Variants in NRXN3 observed in about 807,000 individuals in gnomAD.
The protein encoded by NRXN3 is neurexin 3.
NRXN3 carries 32 observed loss-of-function variants against 137.6 expected under a neutral mutation model. The ratio of observed to expected loss-of-function variants is 0.23; its 90% CI spans 0.18 to 0.31. The LOEUF (loss-of-function observed/expected upper bound fraction) is 0.31, where lower values mean the gene tolerates loss of function less well. Among genes scored for constraint, NRXN3 ranks in the 10% least tolerant of loss-of-function variants. NRXN3 has a pLI of 1.00. For missense variants in NRXN3, 1,574 were observed against 2,062.5 expected, an observed-to-expected ratio of 0.76 and a Z score of 4.59; for synonymous variants, 798 against 784.5, an observed-to-expected ratio of 1.02 and a Z score of -0.29.
intron 4 of NRXN3, among the ~76,000 whole-genome samples, chr14:78,551,496 T>C (rs1285643433): frequency 6.6e-6 from 1 of 152,100 alleles, no homozygotes; most frequent in Non-Finnish European, 1.5e-5. Context: ...GCTCTTCCTC[T>C]TCCCTTCCAT....
intron 15 of NRXN3, among the ~76,000 whole-genome samples, chr14:79,241,319 A>T (rs114611530): frequency 2.0e-5 from 3 of 152,190 alleles, no homozygotes; most frequent in African/African-American, 7.2e-5. Flanking sequence ...GTCTGTTCTC[A>T]TGCTGCTAAA....
At chr14:78,729,672 A>G (rs963995446) in intron 8 of NRXN3, among the ~76,000 whole-genome samples, 9 of 152,318 alleles carry the variant, frequency 5.9e-5, no homozygotes, top group Admixed American at 5.9e-4. Flanking sequence ...TCATACCTGC[A>G]TATTTACCCA....
chr14:79,088,551 A>T (rs1271096340), intron 15 of NRXN3, among the ~76,000 whole-genome samples: 1 of 139,964 alleles, frequency 7.1e-6, no homozygotes. Flanking sequence ...AAGAAAAACA[A>T]ATTTCTTGGA....
rs2099414992 is a variant in NRXN3 at position 79,862,372 on chromosome 14, T to C, written c.*408T>C. 1 of 156,916 alleles carries C rather than the reference T, an allele frequency of 6.4e-6. No homozygotes were observed. Among genetic ancestry groups the C allele is most frequent in the Non-Finnish European group, 1.4e-5 (1 of 71,158 alleles). 9.7% of individuals were successfully genotyped at this position (156,916 alleles called of 1,614,324 possible). ...ATAACTCCAAGTGAGTCTGTAATGTTTGTGAAGCTTGACTGTAACCATGTT... is the reference window on the plus strand; with the variant it reads ...ATAACTCCAAGTGAGTCTGTAATGTCTGTGAAGCTTGACTGTAACCATGTT... On this transcript the variant is annotated 3_prime_UTR_variant, in exon 21 of 21. Coordinates refer to ENST00000335750, the MANE Select transcript of NRXN3 (RefSeq NM_001330195.2).
chr14:79,379,132 T>C (rs2094393025), intron 15 of NRXN3, among the ~76,000 whole-genome samples: 1 of 152,202 alleles, frequency 6.6e-6, no homozygotes, highest in Admixed American at 6.5e-5. Context: ...TCTGAAAAGC[T>C]AGAATTTTTT....
At chr14:79,269,544 G>C (rs1377717063) in intron 15 of NRXN3, among the ~76,000 whole-genome samples, 1 of 152,168 alleles carries the variant, frequency 6.6e-6, no homozygotes, top group East Asian at 1.9e-4. Flanking sequence ...CGACTGAGGA[G>C]AGATGGCCTT....
chr14:78,747,470 G>A (rs1371959926), intron 8 of NRXN3, among the ~76,000 whole-genome samples: 1 of 152,212 alleles, frequency 6.6e-6, no homozygotes, highest in Non-Finnish European at 1.5e-5. Context: ...GGAGTCAACA[G>A]ATGATTCTGC....
intron 15 of NRXN3, among the ~76,000 whole-genome samples, chr14:79,350,145 T>A (rs1375672434): frequency 6.6e-6 from 1 of 152,234 alleles, no homozygotes; most frequent in Non-Finnish European, 1.5e-5. Context: ...AACGTCAGAA[T>A]GTGGAATCCA....
At chr14:79,262,466 G>A (rs2077766457) in intron 15 of NRXN3, among the ~76,000 whole-genome samples, 1 of 149,602 alleles carries the variant, frequency 6.7e-6, no homozygotes, top group Non-Finnish European at 1.5e-5. Context: ...GAAGGAGGAA[G>A]GAGAAAGGAG....
At chr14:78,827,203 C>A (rs1470845003) in intron 10 of NRXN3, among the ~76,000 whole-genome samples, 1 of 149,290 alleles carries the variant, frequency 6.7e-6, no homozygotes. Context: ...AACTAGAAGA[C>A]AGAATTTGGA....
intron 4 of NRXN3, among the ~76,000 whole-genome samples, chr14:78,574,831 A>G (rs2096921562): frequency 6.6e-6 from 1 of 152,212 alleles, no homozygotes; most frequent in Non-Finnish European, 1.5e-5. Flanking sequence ...GTGAGGATTA[A>G]GCATAAAATA....
intron 10 of NRXN3, among the ~76,000 whole-genome samples, chr14:78,954,307 A>T (rs1284863622): frequency 6.6e-6 from 1 of 152,172 alleles, no homozygotes; most frequent in African/African-American, 2.4e-5. Context: ...TCCCACTGGG[A>T]CTTATTTATT....
intron 19 of NRXN3, among the ~76,000 whole-genome samples, chr14:79,730,690 A>C (rs574816451): frequency 6.6e-6 from 1 of 152,328 alleles, no homozygotes; most frequent in East Asian, 1.9e-4. Flanking sequence ...ATGTAATTCC[A>C]CAAACTGTGC....
intron 19 of NRXN3, among the ~76,000 whole-genome samples, chr14:79,796,218 T>C (rs575778817): frequency 2.6e-5 from 4 of 152,322 alleles, no homozygotes; most frequent in African/African-American, 9.6e-5. Flanking sequence ...TGGGTGATTT[T>C]ATTTATTTTA....
chr14:79,719,124 C>T (rs948377168), intron 19 of NRXN3, among the ~76,000 whole-genome samples: 3 of 152,096 alleles, frequency 2.0e-5, no homozygotes, highest in South Asian at 4.1e-4. Flanking sequence ...GGAATCCCTT[C>T]GTCCCTTTGT....
intron 15 of NRXN3, among the ~76,000 whole-genome samples, chr14:79,206,398 T>C (rs1276621002): frequency 6.6e-6 from 1 of 152,190 alleles, no homozygotes; most frequent in Non-Finnish European, 1.5e-5. Flanking sequence ...TCAGATGGCA[T>C]GGGCTCTATG....
intron 15 of NRXN3, among the ~76,000 whole-genome samples, chr14:79,080,722 T>C (rs974398889): frequency 6.6e-6 from 1 of 152,182 alleles, no homozygotes; most frequent in Admixed American, 6.5e-5. Flanking sequence ...GAAGGAAGCC[T>C]GTGACAATTA....
At chr14:79,753,799 G>A (rs188760446) in intron 19 of NRXN3, among the ~76,000 whole-genome samples, 6 of 151,916 alleles carry the variant, frequency 3.9e-5, no homozygotes, top group Middle Eastern at 3.4e-3. Context: ...TGCCTAACAC[G>A]ATGTGAGATT....
chr14:79,556,831 T>C, intron 16 of NRXN3, among the ~76,000 whole-genome samples: 1 of 152,150 alleles, frequency 6.6e-6, no homozygotes, highest in South Asian at 2.1e-4. Flanking sequence ...TCTGGGATTA[T>C]AGGCACCAGC....
Sources: allele counts gnomAD v4.1 joint callset (sites outside exome capture counted in the v4.1 genomes callset), GRCh38; gene constraint gnomAD v4.1.1; transcripts MANE v1.5; gene names NCBI Gene and HGNC (gene_info 2026-07-23, HGNC 2026-07-21).